Variants in KAT8 observed in about 807,000 individuals in gnomAD.
The protein encoded by KAT8 is lysine acetyltransferase 8, also known as histone acetyltransferase KAT8.
In KAT8, 40 loss-of-function variants were observed where a neutral mutation model predicts 62.9. The observed-to-expected ratio is 0.64, with a 90% CI of 0.49 to 0.83. The LOEUF (loss-of-function observed/expected upper bound fraction) is 0.83. KAT8 is among the 40% of genes least tolerant of loss of function. KAT8 has a pLI of 0.00. For synonymous variants in KAT8, 278 were observed against 254.5 expected, an observed-to-expected ratio of 1.09 and a Z score of -0.88; for missense variants, 387 against 614.8, an observed-to-expected ratio of 0.63 and a Z score of 3.92.
intron 1 of KAT8, among the ~76,000 whole-genome samples, chr16:31,119,582 G>A (rs192224515): frequency 6.6e-6 from 1 of 152,264 alleles, no homozygotes; most frequent in Admixed American, 6.5e-5. Flanking sequence ...TTAAGTATTA[G>A]CTCTTACCAC....
intron 6 of KAT8, among the ~76,000 whole-genome samples, chr16:31,129,178 A>T (rs1203900530): frequency 6.6e-6 from 1 of 152,202 alleles, no homozygotes; most frequent in Non-Finnish European, 1.5e-5. Flanking sequence ...AGTGCTTAGC[A>T]CTAGTATGTG....
rs2057459100 is a variant in KAT8 at position 31,117,782 on chromosome 16, C to T, written c.101C>T (p.Thr34Ile). The T allele has an allele frequency of 7.2e-7, 1 of 1,398,496 alleles. No individual in the cohort carries two copies. The highest frequency in any genetic ancestry group is 3.1e-5 in the East Asian group (1 of 32,730). 86.6% of individuals were successfully genotyped at this position (1,398,496 alleles called of 1,614,324 possible). A position where few individuals can be genotyped will look rare whatever the true frequency, so the allele number is the denominator to read the frequency against. ...GPGENAAAEG[T>I]APSPGRVSPP... ...GGGGAGAATGCGGCCGCTGAGGGGA[C>T]CGCCCCATCCCCGGGCCGCGTCTCT... The change falls in exon 1 of 11, where the codon ACC becomes ATC. Residue 34 changes from threonine (T) to isoleucine (I), a missense_variant. By Grantham distance (89) the Thr-to-Ile change is moderately conservative. Coordinates refer to ENST00000219797, the MANE Select transcript of KAT8 (RefSeq NM_032188.3).
rs201871085 is a variant in KAT8 at position 31,117,787 on chromosome 16, C to G, written c.106C>G (p.Pro36Ala). The part of the protein sequence containing the change: ...GENAAAEGTA[P>A]SPGRVSPPTP... Reference sequence around the variant, plus strand: ...GAATGCGGCCGCTGAGGGGACCGCCCCATCCCCGGGCCGCGTCTCTCCGCC... The same window carrying G: ...GAATGCGGCCGCTGAGGGGACCGCCGCATCCCCGGGCCGCGTCTCTCCGCC... Residue 36 changes from proline to alanine, a missense_variant, in exon 1 of 11, where the codon CCA becomes GCA. By Grantham distance (27) the Pro-to-Ala change is conservative. Around this residue, in one of 6 missense-constraint regions of KAT8, gnomAD observed 92 missense variants for 78.8 expected, o/e 1.17. Transcript: ENST00000219797. The G allele has an allele frequency of 0.017, 24,467 of 1,411,924 alleles. 302 individuals are homozygous for G. The highest frequency in any genetic ancestry group is 0.02 in the Non-Finnish European group (21,222 of 1,072,332). The allele number at this position is 1,411,924 out of a possible 1,614,324, so 87.5% of individuals were successfully genotyped here.
rs2057457978 is a variant in KAT8 at position 31,117,709 on chromosome 16, G to T, written c.28G>T (p.Val10Phe). 13 of 1,397,576 alleles carry T rather than the reference G, an allele frequency of 9.3e-6. No individual in the cohort carries two copies. The highest frequency in any genetic ancestry group is 1.2e-5 in the Non-Finnish European group (13 of 1,070,694). The allele number at this position is 1,397,576 out of a possible 1,614,324, so 86.6% of individuals were successfully genotyped here. Residue 10 changes from valine to phenylalanine, a missense_variant, in exon 1 of 11, where the codon GTT becomes TTT. Transcript: ENST00000219797. The stretch of plus-strand genomic sequence containing the variant: ...GGCGGCACAGGGAGCTGCTGCGGCG[G>T]TTGCGGCGGGGACTTCAGGGGTCGC... MAAQGAAAAVAAGTSGVAGE... is the reference protein window; with the variant it reads MAAQGAAAAFAAGTSGVAGE...
At position 31,117,681 on chromosome 16, in the gene KAT8, G is replaced by T; in HGVS notation, c.-1G>T. ...ATTCTGGCGTCACTTCCCTTCCCGC[G>T]ATGGCGGCACAGGGAGCTGCTGCGG... On this transcript the variant is annotated 5_prime_UTR_variant, in exon 1 of 11. Transcript: ENST00000219797. 7.2e-7 allele frequency: 1 copy of T among 1,389,466 alleles called. No homozygotes were observed. Among genetic ancestry groups the T allele is most frequent in the Non-Finnish European group, 9.4e-7 (1 of 1,066,438 alleles). The allele number at this position is 1,389,466 out of a possible 1,614,324, so 86.1% of individuals were successfully genotyped here. A position where few individuals can be genotyped will look rare whatever the true frequency, so the allele number is the denominator to read the frequency against.
rs774430915 is a variant in KAT8 at position 31,131,177 on chromosome 16, C to T, written c.1313-18C>T. On this transcript the variant is annotated intron_variant, in intron 10 of 10. Transcript: ENST00000219797. ...CTGGCCCAGGCCCAGCCCTGCCTCCCGCCCCTTCTCCCCACAGTGGACTCC... is the reference window on the plus strand; with the variant it reads ...CTGGCCCAGGCCCAGCCCTGCCTCCTGCCCCTTCTCCCCACAGTGGACTCC... 9.9e-6 allele frequency: 16 copies of T among 1,613,396 alleles called. No homozygotes were observed. The highest frequency in any genetic ancestry group is 1.3e-5 in the African/African-American group (1 of 74,906).
Position 31,117,692 on chromosome 16 carries a change from A to C in KAT8, c.11A>C (p.Gln4Pro). The C allele has an allele frequency of 7.2e-7, 1 of 1,397,334 alleles. No individual in the cohort carries two copies. The highest frequency in any genetic ancestry group is 9.3e-7 in the Non-Finnish European group (1 of 1,070,720). 86.6% of individuals were successfully genotyped at this position (1,397,334 alleles called of 1,614,324 possible). A position where few individuals can be genotyped will look rare whatever the true frequency, so the allele number is the denominator to read the frequency against. Reference sequence around the variant, plus strand: ...ACTTCCCTTCCCGCGATGGCGGCACAGGGAGCTGCTGCGGCGGTTGCGGCG... The same window carrying C: ...ACTTCCCTTCCCGCGATGGCGGCACCGGGAGCTGCTGCGGCGGTTGCGGCG... MAA[Q>P]GAAAAVAAGT... is the part of the protein sequence containing the mutation. The change falls in exon 1 of 11, where the codon CAG becomes CCG. Residue 4 changes from glutamine to proline, a missense_variant. Gln to Pro is a moderately conservative substitution (Grantham distance 76). Coordinates refer to ENST00000219797, the MANE Select transcript of KAT8 (RefSeq NM_032188.3).
At chr16:31,125,586 AGAGT>A (rs1323203082) in intron 3 of KAT8, 1 of 141,336 alleles carries the variant, frequency 7.1e-6, no homozygotes, top group Non-Finnish European at 1.5e-5. Flanking sequence ...CCTGAGCAAC[AGAGT>A]GAGACTCCGT....
chr16:31,130,274 A>C lies in KAT8; in HGVS notation c.920A>C (p.Glu307Ala). The C allele has an allele frequency of 1.2e-6, 2 of 1,614,148 alleles. No individual in the cohort carries two copies. Among genetic ancestry groups the C allele is most frequent in the Non-Finnish European group, 1.7e-6 (2 of 1,180,008 alleles). The part of the protein sequence containing the change: ...HIVGYFSKEK[E>A]SPDGNNVACI... ...AGCACCTGCCTCCTGCAGGAGAAGGAGTCCCCGGATGGAAACAATGTGGCC... is the reference window on the plus strand; with the variant it reads ...AGCACCTGCCTCCTGCAGGAGAAGGCGTCCCCGGATGGAAACAATGTGGCC... The change falls in exon 8 of 11, where the codon GAG becomes GCG. Residue 307 changes from glutamate to alanine, a missense_variant. Transcript: ENST00000219797.
chr16:31,120,986 G>A (rs2143968011), intron 3 of KAT8: 1 of 156,108 alleles, frequency 6.4e-6, no homozygotes, highest in South Asian at 1.9e-4. Flanking sequence ...TAAGTAACAT[G>A]CCCAAGGTCA....
At chr16:31,121,985 A>G (rs112442579) in intron 3 of KAT8, among the ~76,000 whole-genome samples, 1,983 of 152,186 alleles carry the variant, frequency 0.013, 33 homozygotes, top group African/African-American at 0.045. Context: ...TCCTGGTCTC[A>G]AGCGATCCTC....
At chr16:31,129,928 C>G in intron 6 of KAT8, 89 bp from the exon 7 acceptor site, 1 of 1,478,366 alleles carries the variant, frequency 6.8e-7, no homozygotes, top group Non-Finnish European at 9.3e-7. Flanking sequence ...GAGGCGCCCA[C>G]TTCGCGTGGG....
intron 3 of KAT8, among the ~76,000 whole-genome samples, chr16:31,123,202 C>A (rs1382875555): frequency 6.6e-6 from 1 of 152,050 alleles, no homozygotes; most frequent in African/African-American, 2.4e-5. Flanking sequence ...AATTAATTAT[C>A]ATTTTTTAAA....
At chr16:31,131,017 C>T (rs2057574492) in intron 10 of KAT8, 117 bp downstream of exon 10, 2 of 1,514,294 alleles carry the variant, frequency 1.3e-6, no homozygotes, top group African/African-American at 1.4e-5. Context: ...GACCAGCTCC[C>T]AGGATGGAGC....
chr16:31,124,648 G>C (rs1241230347), intron 3 of KAT8, among the ~76,000 whole-genome samples: 1 of 149,846 alleles, frequency 6.7e-6, no homozygotes, highest in Non-Finnish European at 1.5e-5. Context: ...CAGGAGAATC[G>C]CTTGAACCCA....
At chr16:31,129,028 C>T (rs975252045) in intron 6 of KAT8, among the ~76,000 whole-genome samples, 4 of 152,236 alleles carry the variant, frequency 2.6e-5, no homozygotes, top group Non-Finnish European at 5.9e-5. Context: ...CTTGTCACTT[C>T]CTCACTGACC....
At chr16:31,130,425 G>C (rs764829972) in intron 8 of KAT8, 31 bp from the exon 9 acceptor site, 1 of 1,614,118 alleles carries the variant, frequency 6.2e-7, no homozygotes, top group Non-Finnish European at 8.5e-7. Context: ...GGGCAGGCTG[G>C]ATCCTAAGTT....
intron 6 of KAT8, among the ~76,000 whole-genome samples, chr16:31,129,619 C>A (rs996567600): frequency 6.6e-6 from 1 of 152,162 alleles, no homozygotes; most frequent in African/African-American, 2.4e-5. Flanking sequence ...GTTTACCAGG[C>A]ACCCAGCTTC....
intron 3 of KAT8, chr16:31,120,835 C>T (rs370682560): frequency 8.9e-5 from 25 of 279,758 alleles, no homozygotes; most frequent in Non-Finnish European, 1.5e-4. Flanking sequence ...GTGGGAAAGA[C>T]GAGAATGTTA....
Sources: gnomAD v4.1 joint callset for allele counts (sites outside exome capture counted in the v4.1 genomes callset) on GRCh38, gnomAD v4.1.1 for gene constraint, gnomAD v4.1.1 regional missense constraint, MANE v1.5 for transcripts, NCBI Gene and HGNC (gene_info 2026-07-23, HGNC 2026-07-21) for gene names.